Variants in EML1 observed in about 807,000 individuals in gnomAD.
EML1 encodes the protein echinoderm microtubule-associated protein-like 1.
A neutral mutation model predicts 110.4 loss-of-function variants in EML1; 27 were observed. That is an observed-to-expected ratio of 0.24 (90% CI 0.18 to 0.34). The LOEUF (loss-of-function observed/expected upper bound fraction) is 0.34. EML1 is among the 10% of genes least tolerant of loss of function. The probability of loss-of-function intolerance (pLI) is 1.00; values close to 1 mark genes in which losing one functional copy is unlikely to be tolerated. For missense variants in EML1, 741 were observed against 1,030.9 expected (o/e 0.72, Z 3.85); for synonymous variants, 344 against 385.8 (o/e 0.89, Z 1.27).
chr14:99,793,652 A>T, intron 1 of EML1, 109 bp downstream of exon 1: 2 of 856,834 alleles, frequency 2.3e-6, no homozygotes, highest in Non-Finnish European at 2.8e-6. Context: ...GCCGCGGGCG[A>T]GGCCGCGCAA....
At chr14:99,760,092 A>AG (rs2057299033) in intron 1 of EML1, among the ~76,000 whole-genome samples, 1 of 138,848 alleles carries the variant, frequency 7.2e-6, no homozygotes, top group Non-Finnish European at 1.6e-5. Flanking sequence ...TCAAAAAAAA[A>AG]AAAAAAAAAA....
At position 99,784,097 on chromosome 14, in the gene EML1, C is replaced by CTT. The variant is rs771078193; in HGVS notation, c.-27+10094_-27+10095dup. Reference sequence around the variant, plus strand: ...AAATGTAAGGACTTTTTCTTGTCTTCTTTTTTTTTTTGAGATAGGATCTTG... The same window carrying CTT: ...AAATGTAAGGACTTTTTCTTGTCTTCTTTTTTTTTTTTTGAGATAGGATCTTG... On this transcript the variant is annotated intron_variant, in intron 1 of 22. Coordinates refer to the EML1 transcript ENST00000327921. This position sits in a 1 kb window ranked among gnomAD's most constrained non-coding sequence, Gnocchi z 4.5. Among the ~76,000 whole-genome samples, 1 of 147,178 alleles carries CTT rather than the reference C, an allele frequency of 6.8e-6. No homozygotes were observed. Among genetic ancestry groups the CTT allele is most frequent in the African/African-American group, 2.5e-5 (1 of 40,304 alleles).
At chr14:99,931,087 C>A (rs751952334) in intron 17 of EML1, among the ~76,000 whole-genome samples, 1 of 152,186 alleles carries the variant, frequency 6.6e-6, no homozygotes, top group Non-Finnish European at 1.5e-5. Context: ...CCCAGCCAAC[C>A]CTTTCCCCTG....
At chr14:99,823,727 A>G (rs947679846) in intron 1 of EML1, among the ~76,000 whole-genome samples, 3 of 152,118 alleles carry the variant, frequency 2.0e-5, no homozygotes, top group South Asian at 2.1e-4. Flanking sequence ...AAGCAAGCAG[A>G]TAAGTGAACA....
intron 1 of EML1, among the ~76,000 whole-genome samples, chr14:99,763,098 G>C (rs1225395183): frequency 1.3e-5 from 2 of 152,110 alleles, no homozygotes; most frequent in Middle Eastern, 6.3e-3. Flanking sequence ...TTATAAGGGA[G>C]AGTTTCCCTG....
intron 19 of EML1, 57 bp from the exon 20 acceptor site, chr14:99,937,760 C>A: frequency 6.6e-7 from 1 of 1,526,010 alleles, no homozygotes; most frequent in Non-Finnish European, 9.1e-7. Flanking sequence ...CTCAGCCTTG[C>A]TTAGGGGAGG....
chr14:99,753,311 A>G (rs372975910), intron 1 of EML1, among the ~76,000 whole-genome samples: 5 of 151,172 alleles, frequency 3.3e-5, no homozygotes, highest in African/African-American at 9.7e-5. Context: ...TTCAGGGGGA[A>G]GTCCTCATTG....
intron 1 of EML1, among the ~76,000 whole-genome samples, chr14:99,808,180 G>T (rs749183973): frequency 1.3e-5 from 2 of 152,106 alleles, no homozygotes; most frequent in Non-Finnish European, 2.9e-5. Context: ...GGCCTTTGTT[G>T]CCACCATCAG....
In EML1 at chr14:99,941,815, T is replaced by TGG. The variant is rs2060593931; in HGVS notation, c.*1704_*1705dup. On this transcript the variant is annotated 3_prime_UTR_variant, in exon 22 of 22. Coordinates refer to ENST00000262233, the MANE Select transcript of EML1 (RefSeq NM_004434.3). ...AAAGCAATTGTTTTTAAATTAACAATGGAGAGAATGATAAGATGAGGGAAG... is the reference window on the plus strand; with the variant it reads ...AAAGCAATTGTTTTTAAATTAACAATGGGGAGAGAATGATAAGATGAGGGAAG... The TGG allele has an allele frequency of 6.6e-6, 1 of 152,198 alleles. No homozygotes were observed. Among genetic ancestry groups the TGG allele is most frequent in the South Asian group, 2.1e-4 (1 of 4,828 alleles). The allele number at this position is 152,198 out of a possible 1,614,324, so 9.4% of individuals were successfully genotyped here. A position where few individuals can be genotyped will look rare whatever the true frequency, so the allele number is the denominator to read the frequency against.
chr14:99,852,448 C>T (rs1202967585), intron 2 of EML1, among the ~76,000 whole-genome samples: 2 of 152,118 alleles, frequency 1.3e-5, no homozygotes, highest in Non-Finnish European at 2.9e-5. Context: ...GACCTCATCC[C>T]TACAAAAAAT....
In EML1 at chr14:99,860,036, G is replaced by A. The variant is rs77018754; in HGVS notation, c.251-5478G>A. ...CCTTATTTTAGAAAGAATCCAAGGC[G>A]TGTGCTGTGTCTTCCAGCTCAGCTG... is the stretch of plus-strand genomic sequence containing the variant. On this transcript the variant is annotated intron_variant, in intron 2 of 21. Coordinates refer to ENST00000262233, the MANE Select transcript of EML1 (RefSeq NM_004434.3). Among the ~76,000 whole-genome samples, 14 of 152,198 alleles carry A rather than the reference G, an allele frequency of 9.2e-5. No homozygotes were observed. In the East Asian group the frequency reaches 1.9e-3, roughly 21 times the overall value.
At chr14:99,798,833 T>A (rs1397500894) in intron 1 of EML1, among the ~76,000 whole-genome samples, 1 of 148,530 alleles carries the variant, frequency 6.7e-6, no homozygotes, top group East Asian at 1.9e-4. Context: ...TTTAATTACC[T>A]TTTTTTTTTG....
intron 1 of EML1, among the ~76,000 whole-genome samples, chr14:99,797,199 ATGTT>A (rs1566869103): frequency 6.6e-6 from 1 of 152,158 alleles, no homozygotes; most frequent in South Asian, 2.1e-4. Flanking sequence ...GAATTATAGA[ATGTT>A]TGGTATTTTG....
In EML1 at chr14:99,827,922, G is replaced by A. The variant is rs2058387707; in HGVS notation, c.68-22931G>A. On this transcript the variant is annotated intron_variant, in intron 1 of 21. Coordinates refer to ENST00000262233, the MANE Select transcript of EML1 (RefSeq NM_004434.3). This position sits in a 1 kb window ranked among gnomAD's most constrained non-coding sequence, Gnocchi z 4.4. The stretch of plus-strand genomic sequence containing the variant: ...CTGGGTGCAGTAGATGCGATGGTTG[G>A]TGTATAATATGAACACTGTCTCTGC... 1.3e-5 allele frequency among the ~76,000 whole-genome samples: 2 copies of A among 152,150 alleles called. No individual in the cohort carries two copies. The highest frequency in any genetic ancestry group is 2.9e-5 in the Non-Finnish European group (2 of 68,032).
At chr14:99,798,529 A>T (rs2057818089) in intron 1 of EML1, among the ~76,000 whole-genome samples, 1 of 152,106 alleles carries the variant, frequency 6.6e-6, no homozygotes, top group Non-Finnish European at 1.5e-5. Flanking sequence ...AGTAGCTGGA[A>T]TTACAGGCGT....
Position 99,897,297 on chromosome 14 carries a change from A to G in EML1, c.827+3A>G. 1 of 1,602,288 alleles carries G rather than the reference A, an allele frequency of 6.2e-7. No individual in the cohort carries two copies. Among genetic ancestry groups the G allele is most frequent in the Non-Finnish European group, 8.5e-7 (1 of 1,174,562 alleles). On this transcript the variant is annotated splice_donor_region_variant and intron_variant, in intron 7 of 21. Coordinates refer to ENST00000262233, the MANE Select transcript of EML1 (RefSeq NM_004434.3). Reference sequence around the variant, plus strand: ...GGCCACAACGATGACGTGAAGTGGTAAGTCCTGAAACAGGTCATTCCTGCG... The same window carrying G: ...GGCCACAACGATGACGTGAAGTGGTGAGTCCTGAAACAGGTCATTCCTGCG...
intron 5 of EML1, among the ~76,000 whole-genome samples, chr14:99,893,536 A>T (rs1222015131): frequency 1.3e-5 from 2 of 152,234 alleles, no homozygotes; most frequent in Admixed American, 1.3e-4. Context: ...TACACACAAT[A>T]ACATGAAACT....
At chr14:99,817,778 G>A (rs139543662) in intron 1 of EML1, among the ~76,000 whole-genome samples, 2 of 152,130 alleles carry the variant, frequency 1.3e-5, no homozygotes, top group Non-Finnish European at 2.9e-5. Flanking sequence ...AGGAGCTCAC[G>A]GTCTAATGGA....
chr14:99,770,129 TC>T (rs1173356569), upstream of EML1, among the ~76,000 whole-genome samples: 1 of 152,184 alleles, frequency 6.6e-6, no homozygotes, highest in Non-Finnish European at 1.5e-5. Flanking sequence ...CCTCCTATGA[TC>T]ATCAGAGCTG....
Sources: gnomAD v4.1 joint callset for allele counts (sites outside exome capture counted in the v4.1 genomes callset) on GRCh38, gnomAD v4.1.1 for gene constraint, Gnocchi (gnomAD v3.1) non-coding constraint, MANE v1.5 for transcripts, NCBI Gene and HGNC (gene_info 2026-07-23, HGNC 2026-07-21) for gene names.